Variants in UBR1 observed in about 807,000 individuals in gnomAD.
The protein encoded by UBR1 is E3 ubiquitin-protein ligase UBR1.
A neutral mutation model predicts 242.1 loss-of-function variants in UBR1; 102 were observed. The observed-to-expected ratio is 0.42, with a 90% confidence interval of 0.36 to 0.50. The LOEUF is 0.50. UBR1 is among the 20% of genes least tolerant of loss of function. The pLI is 0.01. For synonymous variants in UBR1, 675 were observed against 684.8 expected (o/e 0.99, Z 0.22); for missense variants, 1,772 against 2,101.8 (o/e 0.84, Z 3.07).
chr15:42,950,513 T>C (rs2031817115), intron 45 of UBR1, 150 bp from the exon 46 acceptor site: 3 of 677,492 alleles, frequency 4.4e-6, no homozygotes, highest in African/African-American at 1.8e-5. Flanking sequence ...GACTAAATTA[T>C]GTTTTGTCTA....
intron 1 of UBR1, among the ~76,000 whole-genome samples, chr15:43,101,328 A>G (rs968967529): frequency 6.6e-6 from 1 of 152,212 alleles, no homozygotes; most frequent in Non-Finnish European, 1.5e-5. Context: ...GGACAGGAAG[A>G]GGGCAACAGT....
At chr15:43,005,393 C>CTGG (rs1567122437) in intron 30 of UBR1, among the ~76,000 whole-genome samples, 6 of 151,578 alleles carry the variant, frequency 4.0e-5, no homozygotes, top group African/African-American at 7.2e-5. Context: ...CAGCCCCCGC[C>CTGG]CGGCCAGCCG....
At chr15:43,036,343 A>T (rs1246393259) in intron 18 of UBR1, 64 bp from the exon 19 acceptor site, 2 of 1,468,452 alleles carry the variant, frequency 1.4e-6, no homozygotes, top group African/African-American at 1.4e-5. Flanking sequence ...TGTCTCATGT[A>T]GGACTGTCAA....
intron 37 of UBR1, among the ~76,000 whole-genome samples, chr15:42,980,588 C>T (rs1361340420): frequency 1.3e-5 from 2 of 151,898 alleles, no homozygotes; most frequent in Non-Finnish European, 2.9e-5. Flanking sequence ...TCCTATCTAT[C>T]TATCCATCCA....
chr15:43,059,893 T>A (rs562963900), intron 7 of UBR1, 68 bp from the exon 8 acceptor site: 1 of 1,592,992 alleles, frequency 6.3e-7, no homozygotes, highest in African/African-American at 1.3e-5. Flanking sequence ...GGATTTATAC[T>A]TCAAATGAAG....
In UBR1 at chr15:42,999,703, C is replaced by T. The variant is rs564461990; in HGVS notation, c.3660-1438G>A. ...ATTAGTGGGGTGTGGTGACACATGC[C>T]TGTGGTCCCAGCTACTTGGGAGGCT... On this transcript the variant is annotated intron_variant, in intron 32 of 46. Coordinates refer to ENST00000290650, the MANE Select transcript of UBR1 (RefSeq NM_174916.3). Among the ~76,000 whole-genome samples, 92 of 152,040 alleles carry T rather than the reference C, an allele frequency of 6.1e-4. 1 individual carries two copies. Among genetic ancestry groups the T allele is most frequent in the Non-Finnish European group, 9.3e-4 (63 of 67,980 alleles).
chr15:43,008,132 A>G (rs1028709789), intron 29 of UBR1, among the ~76,000 whole-genome samples: 1 of 152,234 alleles, frequency 6.6e-6, no homozygotes, highest in African/African-American at 2.4e-5. Flanking sequence ...TTCTGTCTAG[A>G]GCAGCTCCTG....
intron 39 of UBR1, among the ~76,000 whole-genome samples, chr15:42,975,101 G>C (rs1383681989): frequency 6.6e-6 from 1 of 151,966 alleles, no homozygotes; most frequent in Non-Finnish European, 1.5e-5. Context: ...TCACAATGTT[G>C]GTCAGGCTGG....
At chr15:43,019,761 ATTT>A (rs11413335) in intron 27 of UBR1, among the ~76,000 whole-genome samples, 1 of 138,204 alleles carries the variant, frequency 7.2e-6, no homozygotes, top group Non-Finnish European at 1.6e-5. Context: ...CGCCCAGCTA[ATTT>A]TTTTTTTTTT....
intron 7 of UBR1, 85 bp from the exon 8 acceptor site, chr15:43,059,910 C>G (rs1349574378): frequency 1.3e-6 from 2 of 1,572,548 alleles, no homozygotes; most frequent in African/African-American, 1.4e-5. Context: ...GAAGAAATCA[C>G]ATAACCCTGC....
At chr15:43,052,439 G>A (rs1325992814) in intron 12 of UBR1, among the ~76,000 whole-genome samples, 4 of 152,318 alleles carry the variant, frequency 2.6e-5, no homozygotes, top group Non-Finnish European at 5.9e-5. Flanking sequence ...ATAGTTGGAA[G>A]AAGCTATCCA....
chr15:43,104,930 CG>C (rs1457369371), intron 1 of UBR1, among the ~76,000 whole-genome samples: 6 of 152,046 alleles, frequency 3.9e-5, no homozygotes, highest in Non-Finnish European at 7.4e-5. Flanking sequence ...TTCCTGAACT[CG>C]GGAATTTGCA....
intron 29 of UBR1, among the ~76,000 whole-genome samples, chr15:43,009,790 C>T (rs769741883): frequency 5.9e-5 from 9 of 152,204 alleles, no homozygotes; most frequent in African/African-American, 1.2e-4. Context: ...GCTCCCTGAA[C>T]TATAGTATAT....
chr15:42,950,869 G>A (rs949730391), intron 45 of UBR1, among the ~76,000 whole-genome samples: 3 of 152,136 alleles, frequency 2.0e-5, no homozygotes, highest in African/African-American at 7.2e-5. Context: ...AAGGCACCTG[G>A]GACTTTTATG....
At chr15:43,073,162 A>G (rs1426934037) in intron 4 of UBR1, among the ~76,000 whole-genome samples, 1 of 152,044 alleles carries the variant, frequency 6.6e-6, no homozygotes, top group Non-Finnish European at 1.5e-5. Context: ...AAAAAACAAA[A>G]AAAACAAAAA....
At chr15:43,072,641 C>A (rs1209757787) in intron 4 of UBR1, among the ~76,000 whole-genome samples, 1 of 152,184 alleles carries the variant, frequency 6.6e-6, no homozygotes, top group East Asian at 1.9e-4. Flanking sequence ...TCAGCATTAA[C>A]TATGATATTA....
chr15:43,105,080 A>T (rs2141376150), intron 1 of UBR1, among the ~76,000 whole-genome samples: 1 of 152,302 alleles, frequency 6.6e-6, no homozygotes, highest in Middle Eastern at 3.4e-3. Flanking sequence ...AGCCAAAGAA[A>T]CTTCAGAAAA....
intron 33 of UBR1, among the ~76,000 whole-genome samples, chr15:42,993,421 T>C (rs2032586514): frequency 6.6e-6 from 1 of 151,624 alleles, no homozygotes; most frequent in East Asian, 1.9e-4. Context: ...TAGAGTACAG[T>C]GGTGCAATCT....
chr15:42,983,867 T>C lies in UBR1; in HGVS notation c.4150+30A>G, dbSNP rs370928297. On this transcript the variant is annotated intron_variant, in intron 37 of 46. Transcript: ENST00000290650. ...AGAAAAAGATATATAAATAATATAA[T>C]ACATAATAATAGTTCAGAGAAGACT... 5.0e-4 allele frequency: 680 copies of C among 1,373,170 alleles called. 4 individuals carry two copies. In the African/African-American group the frequency reaches 8.5e-3, roughly 17 times the overall value. The allele number at this position is 1,373,170 out of a possible 1,614,324, so 85.1% of individuals were successfully genotyped here. A position where few individuals can be genotyped will look rare whatever the true frequency, so the allele number is the denominator to read the frequency against.
Sources: gnomAD v4.1 joint callset for allele counts (sites outside exome capture counted in the v4.1 genomes callset) on GRCh38, gnomAD v4.1.1 for gene constraint, MANE v1.5 for transcripts, NCBI Gene and HGNC (gene_info 2026-07-23, HGNC 2026-07-21) for gene names.